The following NSG2 variants were observed in gnomAD, a reference collection of about 807,000 sequenced individuals.
NSG2 encodes neuronal vesicle trafficking associated 2.
A neutral mutation model predicts 16.9 loss-of-function variants in NSG2; 4 were observed. The observed-to-expected ratio is 0.24, with a 90% confidence interval of 0.12 to 0.54. NSG2 has a LOEUF of 0.54. Ranked by LOEUF, NSG2 falls within the 20% of genes least tolerant of loss-of-function variation. The probability of loss-of-function intolerance (pLI) is 0.95; values close to 1 mark genes in which losing one functional copy is unlikely to be tolerated. For missense variants in NSG2, 179 were observed against 221.1 expected, an observed-to-expected ratio of 0.81 and a Z score of 1.21; for synonymous variants, 98 against 88.7, an observed-to-expected ratio of 1.11 and a Z score of -0.59.
intron 3 of NSG2, 29 bp from the exon 4 acceptor site, chr5:174,104,199 C>A: frequency 6.5e-7 from 1 of 1,544,794 alleles, no homozygotes; most frequent in Non-Finnish European, 9.0e-7. Flanking sequence ...CAGACTGAGG[C>A]TGGATGACTT....
chr5:174,105,186 T>G (rs1364523776), intron 4 of NSG2, among the ~76,000 whole-genome samples: 1 of 152,182 alleles, frequency 6.6e-6, no homozygotes, highest in East Asian at 1.9e-4. Flanking sequence ...GTAGAGAGTG[T>G]TTAGTTAAGA....
chr5:174,070,013 G>C (rs372959668), intron 3 of NSG2, among the ~76,000 whole-genome samples: 2 of 151,762 alleles, frequency 1.3e-5, no homozygotes, highest in African/African-American at 2.4e-5. Context: ...AAAGAGCTGG[G>C]ACTACAGGCA....
At chr5:174,077,413 C>G (rs1760364061) in intron 3 of NSG2, among the ~76,000 whole-genome samples, 2 of 152,110 alleles carry the variant, frequency 1.3e-5, no homozygotes, top group Non-Finnish European at 2.9e-5. Flanking sequence ...CCTTCACCTG[C>G]TATATACTTG....
chr5:174,067,363 C>A lies in NSG2; in HGVS notation c.213+3048C>A, dbSNP rs572774012. Among the ~76,000 whole-genome samples the A allele has an allele frequency of 5.1e-4, 78 of 152,180 alleles. 1 individual carries two copies. The highest frequency in any genetic ancestry group is 1.0e-3 in the Non-Finnish European group (68 of 68,042). ...GCGGCCTCTCTGCTCAGCCATGATG[C>A]CTGCAGTAGGTAACTGCTGGGTAGA... On this transcript the variant is annotated intron_variant, in intron 3 of 4. Transcript: ENST00000303177.
intron 4 of NSG2, among the ~76,000 whole-genome samples, chr5:174,105,788 T>G (rs140202933): frequency 0.014 from 2,164 of 152,218 alleles, 25 homozygotes; most frequent in Non-Finnish European, 0.02. Context: ...TAATCCCAGC[T>G]ACTTGGGAGG....
chr5:174,047,015 T>C, intron 2 of NSG2, 131 bp downstream of exon 2: 1 of 905,844 alleles, frequency 1.1e-6, no homozygotes, highest in Non-Finnish European at 1.7e-6. Flanking sequence ...TCTTGTAAAA[T>C]GTAGTTATTC....
At chr5:174,071,793 T>A (rs1760247089) in intron 3 of NSG2, among the ~76,000 whole-genome samples, 1 of 152,192 alleles carries the variant, frequency 6.6e-6, no homozygotes, top group South Asian at 2.1e-4. Flanking sequence ...CCCTGGAGGC[T>A]GTGCAGCTGG....
intron 3 of NSG2, among the ~76,000 whole-genome samples, chr5:174,076,667 G>A (rs1336699675): frequency 2.0e-5 from 3 of 152,174 alleles, no homozygotes; most frequent in Non-Finnish European, 4.4e-5. Flanking sequence ...AGTTGGGTGA[G>A]TTCATCCCCA....
intron 3 of NSG2, among the ~76,000 whole-genome samples, chr5:174,102,750 TTTTTTTTA>T (rs766724999): frequency 0.042 from 3,829 of 91,200 alleles, 121 homozygotes; most frequent in African/African-American, 0.18. Flanking sequence ...CCATGCTTTG[TTTTTTTTA>T]TTTATTTATT....
At chr5:174,098,707 C>T (rs1760847666) in intron 3 of NSG2, among the ~76,000 whole-genome samples, 1 of 152,154 alleles carries the variant, frequency 6.6e-6, no homozygotes, top group African/African-American at 2.4e-5. Flanking sequence ...CTCCTGTGAA[C>T]TCCTTGAGGC....
At chr5:174,056,862 A>G (rs1334420248) in intron 2 of NSG2, among the ~76,000 whole-genome samples, 1 of 152,222 alleles carries the variant, frequency 6.6e-6, no homozygotes, top group East Asian at 1.9e-4. Context: ...AGTATTTTAA[A>G]TTTTTATGAT....
chr5:174,079,642 C>A (rs1760414106), intron 3 of NSG2, among the ~76,000 whole-genome samples: 1 of 152,142 alleles, frequency 6.6e-6, no homozygotes, highest in African/African-American at 2.4e-5. Context: ...TGGAAAAATT[C>A]TTATCTGGCT....
chr5:174,060,442 A>C (rs1212655041), intron 2 of NSG2, among the ~76,000 whole-genome samples: 1 of 152,112 alleles, frequency 6.6e-6, no homozygotes, highest in Non-Finnish European at 1.5e-5. Context: ...TCTCAAGAAC[A>C]GTTGGAGGAC....
Position 174,064,281 on chromosome 5 carries a change from G to C in NSG2, c.179G>C (p.Gly60Ala). Residue 60 changes from glycine (G) to alanine (A), a missense_variant, in exon 3 of 5, where the codon GGG becomes GCG. Coordinates refer to ENST00000303177, the MANE Select transcript of NSG2 (RefSeq NM_015980.5). Reference sequence around the variant, plus strand: ...TATCAGCCGGAACAGAAGAACAAAGGGAAGTTCCGGGTGCCGAAAATCGCT... The same window carrying C: ...TATCAGCCGGAACAGAAGAACAAAGCGAAGTTCCGGGTGCCGAAAATCGCT... ...TEYQPEQKNKGKFRVPKIAEF... is the reference protein window; with the variant it reads ...TEYQPEQKNKAKFRVPKIAEF... 1 of 1,612,042 alleles carries C rather than the reference G, an allele frequency of 6.2e-7. No individual in the cohort carries two copies. Among genetic ancestry groups the C allele is most frequent in the Non-Finnish European group, 8.5e-7 (1 of 1,178,676 alleles).
chr5:174,097,266 A>G (rs10057538), intron 3 of NSG2, among the ~76,000 whole-genome samples: 51,906 of 151,842 alleles, frequency 0.34, 12,204 homozygotes, highest in African/African-American at 0.67. Flanking sequence ...GTGCATCTTC[A>G]TGGGTGCCAG....
intron 3 of NSG2, among the ~76,000 whole-genome samples, chr5:174,074,372 G>A (rs1760299108): frequency 1.3e-5 from 2 of 152,102 alleles, no homozygotes; most frequent in African/African-American, 2.4e-5. Context: ...GAGGTCTCTT[G>A]CTAGATGGAT....
chr5:174,107,527 G>C lies in NSG2; in HGVS notation c.*22G>C, dbSNP rs777664546. On this transcript the variant is annotated 3_prime_UTR_variant, in exon 5 of 5. Transcript: ENST00000303177. The surrounding 1 kb of genome is among the most constrained non-coding windows in gnomAD (Gnocchi z 4.5). ...CTAGAGGCCTGCCCCAGCCAGAATGGGGGGCGGGGTGGAGAGGAGGACCCC... is the reference window on the plus strand; with the variant it reads ...CTAGAGGCCTGCCCCAGCCAGAATGCGGGGCGGGGTGGAGAGGAGGACCCC... 6.3e-7 allele frequency: 1 copy of C among 1,596,166 alleles called. No individual in the cohort carries two copies. Among genetic ancestry groups the C allele is most frequent in the Non-Finnish European group, 8.6e-7 (1 of 1,168,490 alleles).
chr5:174,093,214 C>T lies in NSG2; in HGVS notation c.214-11014C>T, dbSNP rs546971228. Among the ~76,000 whole-genome samples, 12 of 152,242 alleles carry T rather than the reference C, an allele frequency of 7.9e-5. No homozygotes were observed. In the South Asian group the frequency reaches 2.5e-3, roughly 32 times the overall value. On this transcript the variant is annotated intron_variant, in intron 3 of 4. Coordinates refer to ENST00000303177, the MANE Select transcript of NSG2 (RefSeq NM_015980.5). ...TGATAGCACCTACTTCATGGAGTTGCAGGGCCATGAAGTATTGAAATGTAT... is the reference window on the plus strand; with the variant it reads ...TGATAGCACCTACTTCATGGAGTTGTAGGGCCATGAAGTATTGAAATGTAT...
intron 2 of NSG2, among the ~76,000 whole-genome samples, chr5:174,051,956 G>A (rs1759895870): frequency 6.6e-6 from 1 of 152,142 alleles, no homozygotes; most frequent in Admixed American, 6.5e-5. Flanking sequence ...GAGATGAGGT[G>A]GGGTGGGTAC....
Sources: allele counts gnomAD v4.1 joint callset (sites outside exome capture counted in the v4.1 genomes callset), GRCh38; gene constraint gnomAD v4.1.1; non-coding constraint Gnocchi (gnomAD v3.1); transcripts MANE v1.5; gene names NCBI Gene and HGNC (gene_info 2026-07-23, HGNC 2026-07-21).